The following MAST2 variants were observed in gnomAD, a reference collection of about 807,000 sequenced individuals.
MAST2 encodes the protein microtubule-associated serine/threonine-protein kinase 2.
A neutral mutation model predicts 147.4 loss-of-function variants in MAST2; 70 were observed. That is an observed-to-expected ratio of 0.47 (90% confidence interval 0.39 to 0.58). The LOEUF is 0.58. Ranked by LOEUF, MAST2 falls within the 20% of genes least tolerant of loss-of-function variation. The probability of loss-of-function intolerance (pLI) is 0.00; values close to 1 mark genes in which losing one functional copy is unlikely to be tolerated. For synonymous variants in MAST2, 869 were observed against 896.8 expected (o/e 0.97, Z 0.55); for missense variants, 2,080 against 2,302.3 (o/e 0.90, Z 1.98).
At position 46,027,876 on chromosome 1, in the gene MAST2, A is replaced by G. The variant is rs1646481265; in HGVS notation, c.2052+13A>G. ...CCTGGACAAGCAGGTAAGGAAGGGT[A>G]GTTGATACACTGGGGGTTAAATTCT... is the stretch of plus-strand genomic sequence containing the variant. On this transcript the variant is annotated intron_variant, in intron 17 of 28. Transcript: ENST00000361297. 1.2e-6 allele frequency: 2 copies of G among 1,613,630 alleles called. No individual in the cohort carries two copies. The highest frequency in any genetic ancestry group is 1.7e-6 in the Non-Finnish European group (2 of 1,179,812).
At chr1:45,846,412 A>C (rs1645436418) in intron 3 of MAST2, among the ~76,000 whole-genome samples, 1 of 152,166 alleles carries the variant, frequency 6.6e-6, no homozygotes, top group Non-Finnish European at 1.5e-5. Flanking sequence ...TTCTGTCCTT[A>C]GTTATATTGC....
chr1:45,952,978 T>G (rs1270440394), intron 4 of MAST2, among the ~76,000 whole-genome samples: 1 of 152,176 alleles, frequency 6.6e-6, no homozygotes, highest in Admixed American at 6.5e-5. Flanking sequence ...AATTACTAAT[T>G]TGGCAATGTA....
intron 2 of MAST2, among the ~76,000 whole-genome samples, chr1:45,825,828 G>C (rs145657056): frequency 6.6e-6 from 1 of 151,940 alleles, no homozygotes; most frequent in South Asian, 2.1e-4. Context: ...CGTAATCACA[G>C]CACTTTGGGA....
intron 3 of MAST2, among the ~76,000 whole-genome samples, chr1:45,877,769 T>C (rs991092605): frequency 6.6e-6 from 1 of 152,148 alleles, no homozygotes; most frequent in African/African-American, 2.4e-5. Flanking sequence ...TCCCAGTCAG[T>C]TTTAGGAGAC....
intron 11 of MAST2, among the ~76,000 whole-genome samples, chr1:46,021,605 A>C (rs946525): frequency 1.3e-5 from 2 of 152,048 alleles, no homozygotes; most frequent in African/African-American, 4.8e-5. Context: ...GTGCCAGGAC[A>C]GCTGTGGACT....
chr1:45,905,599 A>AC (rs1650570818), intron 4 of MAST2, among the ~76,000 whole-genome samples: 1 of 151,888 alleles, frequency 6.6e-6, no homozygotes, highest in Non-Finnish European at 1.5e-5. Context: ...ACACAGTGAA[A>AC]CCCCGTCTCT....
intron 9 of MAST2, among the ~76,000 whole-genome samples, chr1:46,009,004 T>G (rs1645602490): frequency 6.6e-6 from 1 of 152,220 alleles, no homozygotes; most frequent in Admixed American, 6.5e-5. Flanking sequence ...CTCTGCTGCT[T>G]GGCTGTGAAC....
chr1:45,821,212 T>G (rs953330272), intron 1 of MAST2, among the ~76,000 whole-genome samples: 4 of 152,114 alleles, frequency 2.6e-5, no homozygotes, highest in African/African-American at 9.7e-5. Context: ...TATTTTTTCC[T>G]CATTTTTGAA....
chr1:46,028,678 C>T, intron 17 of MAST2, 90 bp from the exon 18 acceptor site: 2 of 1,364,220 alleles, frequency 1.5e-6, no homozygotes, highest in South Asian at 1.3e-5. Flanking sequence ...AGAGATTCTT[C>T]TGCTCGAGAT....
At chr1:45,926,609 C>T (rs1279766625) in intron 4 of MAST2, among the ~76,000 whole-genome samples, 1 of 152,144 alleles carries the variant, frequency 6.6e-6, no homozygotes, top group Non-Finnish European at 1.5e-5. Flanking sequence ...TTCTAAAAGA[C>T]CATTTTTTGG....
intron 4 of MAST2, among the ~76,000 whole-genome samples, chr1:45,902,525 A>T (rs1649958262): frequency 1.4e-5 from 2 of 146,256 alleles, no homozygotes; most frequent in African/African-American, 2.5e-5. Context: ...CTCATACTCA[A>T]TTTTTTTTTT....
At position 46,023,988 on chromosome 1, in the gene MAST2, G is replaced by A; in HGVS notation, c.1780+8G>A. 6.2e-7 allele frequency: 1 copy of A among 1,613,906 alleles called. No individual in the cohort carries two copies. The highest frequency in any genetic ancestry group is 8.5e-7 in the Non-Finnish European group (1 of 1,179,742). On this transcript the variant is annotated splice_region_variant and intron_variant, in intron 15 of 28. Transcript: ENST00000361297. This position sits in a 1 kb window ranked among gnomAD's most constrained non-coding sequence, Gnocchi z 4.9. Reference sequence around the variant, plus strand: ...TGATGGAGTACGTTGAAGGTACTGAGGCAAAGGTGGCCTGGCATGGAGGCC... The same window carrying A: ...TGATGGAGTACGTTGAAGGTACTGAAGCAAAGGTGGCCTGGCATGGAGGCC...
intron 1 of MAST2, among the ~76,000 whole-genome samples, chr1:45,811,824 C>T (rs918624973): frequency 4.6e-5 from 7 of 151,710 alleles, no homozygotes; most frequent in East Asian, 1.9e-4. Flanking sequence ...TTAGTAGAGA[C>T]GGGGTTTCAC....
chr1:46,009,290 G>A (rs1484897482), intron 9 of MAST2, among the ~76,000 whole-genome samples: 1 of 152,084 alleles, frequency 6.6e-6, no homozygotes, highest in Non-Finnish European at 1.5e-5. Flanking sequence ...CTGACCTCAG[G>A]TGATCCACCT....
chr1:45,923,838 T>A (rs1194523962), intron 4 of MAST2, among the ~76,000 whole-genome samples: 8 of 152,188 alleles, frequency 5.3e-5, no homozygotes, highest in Non-Finnish European at 1.0e-4. Context: ...TGTTGTCACT[T>A]CTAGGTCATT....
chr1:45,927,297 G>A (rs1654530918), intron 4 of MAST2, among the ~76,000 whole-genome samples: 1 of 150,826 alleles, frequency 6.6e-6, no homozygotes, highest in Non-Finnish European at 1.5e-5. Flanking sequence ...TCAGGAGATA[G>A]AGTTTTGAGA....
At chr1:45,857,850 G>GTTTTT (rs35371770) in intron 3 of MAST2, among the ~76,000 whole-genome samples, 84 of 66,506 alleles carry the variant, frequency 1.3e-3, no homozygotes, top group Middle Eastern at 0.012. Flanking sequence ...AACATGCGGT[G>GTTTTT]TTTTTTTTTT....
chr1:45,816,787 C>A (rs1016880226), intron 1 of MAST2, among the ~76,000 whole-genome samples: 2 of 152,188 alleles, frequency 1.3e-5, no homozygotes, highest in African/African-American at 2.4e-5. Context: ...AAGCGATTCT[C>A]CTGGCTCAGC....
chr1:45,905,517 G>A (rs1261300317), intron 4 of MAST2, among the ~76,000 whole-genome samples: 1 of 152,122 alleles, frequency 6.6e-6, no homozygotes, highest in Non-Finnish European at 1.5e-5. Context: ...GGTGGCTCAC[G>A]CCTATAATCT....
Sources: allele counts gnomAD v4.1 joint callset (sites outside exome capture counted in the v4.1 genomes callset), GRCh38; gene constraint gnomAD v4.1.1; non-coding constraint Gnocchi (gnomAD v3.1); transcripts MANE v1.5; gene names NCBI Gene and HGNC (gene_info 2026-07-23, HGNC 2026-07-21).